Variants in WARS2 observed in about 807,000 individuals in gnomAD.
WARS2 encodes the protein tryptophan--tRNA ligase, mitochondrial.
WARS2 carries 28 observed loss-of-function variants against 36.5 expected under a neutral mutation model. The ratio of observed to expected loss-of-function variants is 0.77; its 90% CI spans 0.57 to 1.05. WARS2 has a LOEUF of 1.05. WARS2 is among the 50% of genes least tolerant of loss of function. The pLI, the probability that WARS2 is intolerant of heterozygous loss-of-function variation, is 0.00. For synonymous variants in WARS2, 174 were observed against 178.4 expected, an observed-to-expected ratio of 0.98 and a Z score of 0.20; for missense variants, 435 against 456.8, an observed-to-expected ratio of 0.95 and a Z score of 0.44.
intron 5 of WARS2, 34 bp downstream of exon 5, chr1:119,034,061 A>T: frequency 1.9e-6 from 3 of 1,568,836 alleles, no homozygotes; most frequent in Non-Finnish European, 2.6e-6. Context: ...TTTAGAATAT[A>T]CCCTGATGTA....
intron 1 of WARS2, chr1:119,127,335 CTCTG>C (rs1655737971): frequency 2.1e-5 from 11 of 521,604 alleles, no homozygotes; most frequent in Middle Eastern, 5.6e-4. Context: ...CTATTACTGT[CTCTG>C]TTTTACAGAT....
rs190659869 is a variant in WARS2 at position 119,098,562 on chromosome 1, C to T, written c.91-21955G>A. Among the ~76,000 whole-genome samples the T allele has an allele frequency of 3.4e-3, 518 of 151,940 alleles. 6 individuals are homozygous for T. The highest frequency in any genetic ancestry group is 0.031 in the Admixed American group (471 of 15,270). On this transcript the variant is annotated intron_variant, in intron 1 of 5. Coordinates refer to ENST00000235521, the MANE Select transcript of WARS2 (RefSeq NM_015836.4). ...AAGCGATTCTCCTGCCTCAGCCTCC[C>T]GAGTCGCTAGCATTACAGGCGCCCG...
intron 1 of WARS2, among the ~76,000 whole-genome samples, chr1:119,102,304 C>T (rs751977532): frequency 8.5e-5 from 13 of 152,300 alleles, no homozygotes; most frequent in Admixed American, 6.5e-4. Context: ...TTTAAATCTC[C>T]GTCTGCTTAA....
At chr1:119,120,102 C>T (rs587646230) in intron 1 of WARS2, among the ~76,000 whole-genome samples, 20 of 151,738 alleles carry the variant, frequency 1.3e-4, no homozygotes, top group Admixed American at 7.2e-4. Flanking sequence ...AAAATACAAA[C>T]GATAAATGAA....
At chr1:119,135,358 C>T (rs1003506992) in intron 1 of WARS2, among the ~76,000 whole-genome samples, 1 of 152,142 alleles carries the variant, frequency 6.6e-6, no homozygotes, top group Non-Finnish European at 1.5e-5. Flanking sequence ...TAAAAATACT[C>T]CTCTGCTTCT....
chr1:119,108,467 G>A (rs1480439936), intron 1 of WARS2, among the ~76,000 whole-genome samples: 4 of 151,844 alleles, frequency 2.6e-5, no homozygotes, highest in Non-Finnish European at 5.9e-5. Flanking sequence ...TAAAGTTGTG[G>A]GCATAGGGTT....
intron 1 of WARS2, among the ~76,000 whole-genome samples, chr1:119,102,982 C>T (rs1204389420): frequency 6.6e-6 from 1 of 152,102 alleles, no homozygotes; most frequent in Non-Finnish European, 1.5e-5. Flanking sequence ...TTGTTGGTTC[C>T]TCATTTTTTA....
intron 1 of WARS2, among the ~76,000 whole-genome samples, chr1:119,093,157 A>C (rs1406173637): frequency 6.6e-6 from 1 of 152,168 alleles, no homozygotes; most frequent in Non-Finnish European, 1.5e-5. Flanking sequence ...ACATTAATTA[A>C]GCAAGTGAGA....
chr1:119,134,332 A>AAAC (rs1444812098), intron 1 of WARS2, among the ~76,000 whole-genome samples: 1 of 151,078 alleles, frequency 6.6e-6, no homozygotes, highest in Middle Eastern at 3.2e-3. Context: ...AAAAAAAAAA[A>AAAC]AAAAAAAAAC....
Position 119,117,653 on chromosome 1 carries a change from C to T in WARS2, c.90+22902G>A, listed in dbSNP as rs75061125. Among the ~76,000 whole-genome samples, 995 of 152,250 alleles carry T rather than the reference C, an allele frequency of 6.5e-3. 17 individuals carry two copies. The highest frequency in any genetic ancestry group is 0.022 in the African/African-American group (928 of 41,556). ...TACTGAAGAAAACTGGTGCACTAAA[C>T]GAAACTACAACCGAGGACTTCCAGA... On this transcript the variant is annotated intron_variant, in intron 1 of 5. Transcript: ENST00000235521.
chr1:119,043,375 T>C (rs1648533766), intron 3 of WARS2, among the ~76,000 whole-genome samples: 1 of 152,236 alleles, frequency 6.6e-6, no homozygotes, highest in African/African-American at 2.4e-5. Context: ...ACCAAGCTCA[T>C]GAGCTTACAA....
At chr1:119,106,745 C>T (rs1654266475) in intron 1 of WARS2, among the ~76,000 whole-genome samples, 1 of 152,126 alleles carries the variant, frequency 6.6e-6, no homozygotes, top group Admixed American at 6.5e-5. Context: ...CAACTTTTAG[C>T]AATTATAAAT....
At chr1:119,134,083 C>T (rs1656292591) in intron 1 of WARS2, among the ~76,000 whole-genome samples, 2 of 151,768 alleles carry the variant, frequency 1.3e-5, no homozygotes, top group African/African-American at 4.8e-5. Flanking sequence ...AAAATCTACA[C>T]CTATCATCTC....
At chr1:119,096,294 G>A (rs991362989) in intron 1 of WARS2, among the ~76,000 whole-genome samples, 2 of 152,126 alleles carry the variant, frequency 1.3e-5, no homozygotes, top group Non-Finnish European at 1.5e-5. Context: ...TTTGGAATAT[G>A]AGCATTCTTG....
intron 1 of WARS2, among the ~76,000 whole-genome samples, chr1:119,110,987 CT>C (rs1654592501): frequency 6.6e-6 from 1 of 152,082 alleles, no homozygotes; most frequent in African/African-American, 2.4e-5. Context: ...CATTTTAAAA[CT>C]TTCTTAGAAT....
At chr1:119,072,111 G>A (rs1651368104) in intron 2 of WARS2, among the ~76,000 whole-genome samples, 1 of 152,122 alleles carries the variant, frequency 6.6e-6, no homozygotes, top group Non-Finnish European at 1.5e-5. Flanking sequence ...CAGAAGACTA[G>A]TTTATTCACT....
At chr1:119,038,322 C>T (rs1648048551) in intron 4 of WARS2, among the ~76,000 whole-genome samples, 1 of 152,098 alleles carries the variant, frequency 6.6e-6, no homozygotes, top group Non-Finnish European at 1.5e-5. Flanking sequence ...CAGGCTCAAC[C>T]GGCCTCACAA....
At chr1:119,131,781 C>T (rs1571406984) in intron 1 of WARS2, among the ~76,000 whole-genome samples, 6 of 151,936 alleles carry the variant, frequency 3.9e-5, no homozygotes, top group Non-Finnish European at 1.5e-5. Context: ...AAGTTTTAAA[C>T]GTTCTGTGGG....
chr1:119,093,981 C>T (rs1197331839), intron 1 of WARS2, among the ~76,000 whole-genome samples: 5 of 152,116 alleles, frequency 3.3e-5, no homozygotes, highest in African/African-American at 9.7e-5. Flanking sequence ...GACCAAACCA[C>T]AACTGTATGT....
Sources: gnomAD v4.1 joint callset for allele counts (sites outside exome capture counted in the v4.1 genomes callset) on GRCh38, gnomAD v4.1.1 for gene constraint, MANE v1.5 for transcripts, NCBI Gene and HGNC (gene_info 2026-07-23, HGNC 2026-07-21) for gene names.